The following ABAT variants were observed in gnomAD, a reference collection of about 807,000 sequenced individuals.
The protein encoded by ABAT is 4-aminobutyrate aminotransferase, also known as 4-aminobutyrate aminotransferase, mitochondrial.
ABAT carries 45 observed loss-of-function variants against 64.6 expected under a neutral mutation model. The ratio of observed to expected loss-of-function variants is 0.70; its 90% confidence interval spans 0.55 to 0.89. The LOEUF (loss-of-function observed/expected upper bound fraction) is 0.89. Ranked by LOEUF, ABAT falls within the 40% of genes least tolerant of loss-of-function variation. ABAT has a pLI of 0.00. For missense variants in ABAT, 633 were observed against 658.4 expected (o/e 0.96, Z 0.42); for synonymous variants, 297 against 250.5 (o/e 1.19, Z -1.75).
At chr16:8,763,708 T>A (rs1275622332) in intron 6 of ABAT, among the ~76,000 whole-genome samples, 1 of 152,198 alleles carries the variant, frequency 6.6e-6, no homozygotes, top group Non-Finnish European at 1.5e-5. Flanking sequence ...TCTGCCTGTT[T>A]TTTAGCCATT....
At chr16:8,683,202 A>T (rs554111602) in intron 1 of ABAT, 1 of 152,124 alleles carries the variant, frequency 6.6e-6, no homozygotes, top group African/African-American at 2.4e-5. Context: ...AGTGGAGATC[A>T]CTCTCCACTC....
At chr16:8,735,046 T>TA (rs34887951) in intron 1 of ABAT, among the ~76,000 whole-genome samples, 104,636 of 147,456 alleles carry the variant, frequency 0.71, 37,847 homozygotes, top group Non-Finnish European at 0.79. Flanking sequence ...CATCTCTACT[T>TA]AAAAAAAAAA....
In ABAT at chr16:8,731,028, T is replaced by C. The variant is rs150136994; in HGVS notation, c.-41-4671T>C. Among the ~76,000 whole-genome samples the C allele has an allele frequency of 4.6e-5, 7 of 151,900 alleles. No individual in the cohort carries two copies. In the East Asian group the frequency reaches 1.4e-3, roughly 29 times the overall value. The stretch of plus-strand genomic sequence containing the variant: ...CCCAGACTGGAGTGCGGTGGTGTGA[T>C]CTTGGCTCACTGCCATCTCCGCCTC... On this transcript the variant is annotated intron_variant, in intron 1 of 15. Transcript: ENST00000268251.
chr16:8,780,750 G>A (rs569357812), intron 15 of ABAT: 14 of 196,234 alleles, frequency 7.1e-5, no homozygotes, highest in Non-Finnish European at 1.2e-4. Flanking sequence ...GTGACAGCGC[G>A]AGACTCCATC....
rs1355037697 is a variant in ABAT, at chr16:8,674,718, G to A, written c.-42+7G>A. On this transcript the variant is annotated splice_region_variant and intron_variant, in intron 1 of 15. Transcript: ENST00000268251. ...TCGGAGACGGGGCCTGGAGGTGAGC[G>A]CGAGGCGCCGGGTGGCTTGGGACGG... 1.3e-5 allele frequency: 2 copies of A among 152,336 alleles called. No individual in the cohort carries two copies. The allele number at this position is 152,336 out of a possible 1,614,324, so 9.4% of individuals were successfully genotyped here.
chr16:8,679,343 G>T (rs1464427286), intron 1 of ABAT, among the ~76,000 whole-genome samples: 1 of 152,156 alleles, frequency 6.6e-6, no homozygotes, highest in African/African-American at 2.4e-5. Flanking sequence ...AGCAGGCCAA[G>T]CCTCCTTCCT....
intron 2 of ABAT, among the ~76,000 whole-genome samples, chr16:8,744,715 A>G (rs1242107237): frequency 6.6e-6 from 1 of 151,748 alleles, no homozygotes; most frequent in Non-Finnish European, 1.5e-5. Context: ...TAAAAATACT[A>G]AAATTAGCCG....
intron 5 of ABAT, among the ~76,000 whole-genome samples, chr16:8,752,721 C>T (rs1293857565): frequency 6.6e-6 from 1 of 152,174 alleles, no homozygotes; most frequent in African/African-American, 2.4e-5. Context: ...GGGCTATGAT[C>T]ACTCCACTGC....
intron 1 of ABAT, among the ~76,000 whole-genome samples, chr16:8,726,481 G>A (rs1236823771): frequency 6.6e-6 from 1 of 151,948 alleles, no homozygotes; most frequent in East Asian, 1.9e-4. Context: ...CTGGCCTCAT[G>A]GGATCCACCT....
chr16:8,678,535 C>A (rs1270180617), intron 1 of ABAT, among the ~76,000 whole-genome samples: 3 of 152,230 alleles, frequency 2.0e-5, no homozygotes, highest in African/African-American at 7.2e-5. Context: ...AGAGAAACAT[C>A]CATGCCAGAA....
chr16:8,762,511 C>T (rs763860880), intron 6 of ABAT, among the ~76,000 whole-genome samples: 1 of 152,214 alleles, frequency 6.6e-6, no homozygotes, highest in African/African-American at 2.4e-5. Context: ...AGCCAATTAT[C>T]TTCATGCTGT....
intron 14 of ABAT, among the ~76,000 whole-genome samples, chr16:8,778,026 T>A (rs1338676988): frequency 6.6e-6 from 1 of 152,112 alleles, no homozygotes; most frequent in Non-Finnish European, 1.5e-5. Context: ...TAGGACCATG[T>A]CTCCAGTTTC....
In ABAT at chr16:8,782,883, T is replaced by C. The variant is rs993273229; in HGVS notation, c.*1453T>C. The C allele has an allele frequency of 6.6e-6, 1 of 152,204 alleles. No individual in the cohort carries two copies. Among genetic ancestry groups the C allele is most frequent in the Non-Finnish European group, 1.5e-5 (1 of 68,036 alleles). 9.4% of individuals were successfully genotyped at this position (152,204 alleles called of 1,614,324 possible). A position where few individuals can be genotyped will look rare whatever the true frequency, so the allele number is the denominator to read the frequency against. ...GAAATAGGCATATCAAGGTTCCTGATTCAGCACTTTGCTCTTTTAATAACA... is the reference window on the plus strand; with the variant it reads ...GAAATAGGCATATCAAGGTTCCTGACTCAGCACTTTGCTCTTTTAATAACA... On this transcript the variant is annotated 3_prime_UTR_variant, in exon 16 of 16. Coordinates refer to ENST00000268251, the MANE Select transcript of ABAT (RefSeq NM_020686.6).
In ABAT at chr16:8,768,813, T is replaced by C. The variant is rs1316607921; in HGVS notation, c.668-12T>C. On this transcript the variant is annotated splice_polypyrimidine_tract_variant and intron_variant, in intron 10 of 15. Transcript: ENST00000268251. The stretch of plus-strand genomic sequence containing the variant: ...AAGCCAAGCGTCTGCTTTTCTGTTT[T>C]GCTGAACTCAGGTTGCTTAGCGACC... The C allele has an allele frequency of 1.9e-6, 3 of 1,614,156 alleles. No homozygotes were observed. Among genetic ancestry groups the C allele is most frequent in the Non-Finnish European group, 8.5e-7 (1 of 1,180,036 alleles).
chr16:8,776,575 G>T lies in ABAT; in HGVS notation c.1269+85G>T. ...GGCAACACTGGAGCTCTTCGGCATGGTGTTGTGCCTGCTGTTCCAGCAGTT... is the reference window on the plus strand; with the variant it reads ...GGCAACACTGGAGCTCTTCGGCATGTTGTTGTGCCTGCTGTTCCAGCAGTT... On this transcript the variant is annotated intron_variant, in intron 14 of 15. Coordinates refer to ENST00000268251, the MANE Select transcript of ABAT (RefSeq NM_020686.6). The surrounding 1 kb of genome is among the most constrained non-coding windows in gnomAD (Gnocchi z 4.4). 1 of 1,387,352 alleles carries T rather than the reference G, an allele frequency of 7.2e-7. No individual in the cohort carries two copies. The highest frequency in any genetic ancestry group is 1.2e-5 in the South Asian group (1 of 80,618). The allele number at this position is 1,387,352 out of a possible 1,614,324, so 85.9% of individuals were successfully genotyped here. A position where few individuals can be genotyped will look rare whatever the true frequency, so the allele number is the denominator to read the frequency against.
rs72770105 is a variant in ABAT, at chr16:8,734,131, C to A, written c.-41-1568C>A. Among the ~76,000 whole-genome samples the A allele has an allele frequency of 3.5e-3, 530 of 152,294 alleles. 1 individual carries two copies. Among genetic ancestry groups the A allele is most frequent in the Non-Finnish European group, 6.0e-3 (406 of 68,018 alleles). ...TACCTCACTTCTGGAGCCTCAGTTT[C>A]CTCATCTGTAAAATGGGGATAATCA... On this transcript the variant is annotated intron_variant, in intron 1 of 15. Transcript: ENST00000268251.
chr16:8,724,809 A>C (rs773538337), intron 1 of ABAT, among the ~76,000 whole-genome samples: 1 of 150,044 alleles, frequency 6.7e-6, no homozygotes, highest in Non-Finnish European at 1.5e-5. Flanking sequence ...TAGCAGGTGG[A>C]AATTGAAGAA....
intron 11 of ABAT, 77 bp downstream of exon 11, chr16:8,769,050 G>C (rs1393816074): frequency 1.3e-6 from 2 of 1,593,642 alleles, no homozygotes; most frequent in African/African-American, 2.7e-5. Context: ...GGGGAGAAGA[G>C]AAACAGATGA....
At chr16:8,744,149 G>A (rs1315373879) in intron 2 of ABAT, among the ~76,000 whole-genome samples, 4 of 151,914 alleles carry the variant, frequency 2.6e-5, no homozygotes, top group East Asian at 1.9e-4. Context: ...GTCTGTTCCC[G>A]CAATGCTACA....
Sources: allele counts gnomAD v4.1 joint callset (sites outside exome capture counted in the v4.1 genomes callset), GRCh38; gene constraint gnomAD v4.1.1; non-coding constraint Gnocchi (gnomAD v3.1); transcripts MANE v1.5; gene names NCBI Gene and HGNC (gene_info 2026-07-23, HGNC 2026-07-21).